HSP90AA1: variants seen among roughly 807,000 people sequenced by gnomAD.
The protein encoded by HSP90AA1 is heat shock protein HSP 90-alpha.
In HSP90AA1, 18 loss-of-function variants were observed where a neutral mutation model predicts 73.3. That is an observed-to-expected ratio of 0.25 (90% CI 0.17 to 0.36). The LOEUF is 0.36. Among genes scored for constraint, HSP90AA1 ranks in the 10% least tolerant of loss-of-function variants. The probability of loss-of-function intolerance (pLI) is 1.00; values close to 1 mark genes in which losing one functional copy is unlikely to be tolerated. For missense variants in HSP90AA1, 704 were observed against 874.2 expected (o/e 0.81, Z 2.45); for synonymous variants, 477 against 296.9 (o/e 1.61, Z -6.24).
chr14:102,093,554 G>A (rs2049386797), intron 2 of HSP90AA1, among the ~76,000 whole-genome samples: 1 of 151,690 alleles, frequency 6.6e-6, no homozygotes, highest in South Asian at 2.1e-4. Context: ...ATCAGTTAAA[G>A]CACGGGTCTG....
chr14:102,123,968 TC>T (rs2049810449), intron 1 of HSP90AA1, among the ~76,000 whole-genome samples: 1 of 152,034 alleles, frequency 6.6e-6, no homozygotes, highest in East Asian at 1.9e-4. Flanking sequence ...ACCTGGTTAA[TC>T]TTTAAATTTT....
chr14:102,105,224 A>C lies in HSP90AA1; in HGVS notation c.156-3139T>G, dbSNP rs1331443452. Among the ~76,000 whole-genome samples the C allele has an allele frequency of 2.8e-4, 42 of 149,532 alleles. 1 individual carries two copies. Among genetic ancestry groups the C allele is most frequent in the East Asian group, 1.6e-3 (8 of 5,112 alleles). The stretch of plus-strand genomic sequence containing the variant: ...TCTGTCTCAAAAAAAAAAAACAAAA[A>C]AAAAACCAAACTTCATTCAACAAAC... On this transcript the variant is annotated intron_variant, in intron 1 of 11. Coordinates refer to the HSP90AA1 transcript ENST00000334701.
At chr14:102,124,384 G>A (rs1277772344) in intron 1 of HSP90AA1, among the ~76,000 whole-genome samples, 1 of 151,530 alleles carries the variant, frequency 6.6e-6, no homozygotes, top group Non-Finnish European at 1.5e-5. Flanking sequence ...TAGAGGTGGG[G>A]GTTTCACCAT....
chr14:102,093,276 C>T (rs1275536790), intron 2 of HSP90AA1, among the ~76,000 whole-genome samples: 4 of 150,154 alleles, frequency 2.7e-5, no homozygotes, highest in Non-Finnish European at 5.9e-5. Flanking sequence ...TTTCGGAGGC[C>T]AAGGCGGGCG....
chr14:102,083,471 G>C, intron 8 of HSP90AA1, 75 bp downstream of exon 8: 2 of 1,473,220 alleles, frequency 1.4e-6, no homozygotes, highest in South Asian at 2.3e-5. Flanking sequence ...AGTGCTACCT[G>C]AGTAGAAAAC....
At chr14:102,085,153 C>T (rs774083642) in intron 4 of HSP90AA1, 145 bp downstream of exon 4, 6 of 1,463,300 alleles carry the variant, frequency 4.1e-6, no homozygotes, top group Non-Finnish European at 4.8e-6. Flanking sequence ...CTTAATAGCC[C>T]GAGGAACTTT....
intron 1 of HSP90AA1, chr14:102,139,196 CT>C: frequency 6.2e-7 from 1 of 1,604,204 alleles, no homozygotes; most frequent in South Asian, 1.1e-5. Context: ...TTCTCTCCCC[CT>C]ACCCCGCCTG....
chr14:102,104,939 C>G (rs985711760), intron 1 of HSP90AA1, among the ~76,000 whole-genome samples: 1 of 151,532 alleles, frequency 6.6e-6, no homozygotes, highest in Non-Finnish European at 1.5e-5. Context: ...TGGCTCACAC[C>G]TGTAATCCCA....
At chr14:102,098,150 G>GT (rs1437252000) in intron 2 of HSP90AA1, among the ~76,000 whole-genome samples, 2 of 151,800 alleles carry the variant, frequency 1.3e-5, no homozygotes, top group African/African-American at 4.8e-5. Flanking sequence ...CCTCGGGTTT[G>GT]TTTTTCTTTT....
upstream of HSP90AA1, chr14:102,087,150 C>G: frequency 1.0e-6 from 1 of 983,918 alleles, no homozygotes; most frequent in Non-Finnish European, 1.2e-6. Context: ...CCCCAGCCGC[C>G]GCCGCGGCCG....
intron 2 of HSP90AA1, among the ~76,000 whole-genome samples, chr14:102,101,359 A>T (rs2049490996): frequency 6.6e-6 from 1 of 152,148 alleles, no homozygotes; most frequent in South Asian, 2.1e-4. Flanking sequence ...TTTTGGGTCA[A>T]GCCCAAACTC....
intron 4 of HSP90AA1, 101 bp downstream of exon 4, chr14:102,085,197 G>C (rs529485322): frequency 2.1e-6 from 3 of 1,438,816 alleles, no homozygotes; most frequent in Non-Finnish European, 2.9e-6. Flanking sequence ...AGGTTCCCCA[G>C]GCTTCAGACT....
chr14:102,085,239 T>C (rs1408984826), intron 4 of HSP90AA1, 59 bp downstream of exon 4: 2 of 1,556,110 alleles, frequency 1.3e-6, no homozygotes, highest in African/African-American at 2.7e-5. Flanking sequence ...AAGGATGTAG[T>C]ACAGTCACCC....
At chr14:102,124,255 G>C (rs141274885) in intron 1 of HSP90AA1, among the ~76,000 whole-genome samples, 5 of 134,676 alleles carry the variant, frequency 3.7e-5, no homozygotes, top group South Asian at 2.4e-4. Flanking sequence ...ACAATGGCAC[G>C]ATCTGGGCTC....
intron 2 of HSP90AA1, among the ~76,000 whole-genome samples, chr14:102,093,237 G>C (rs918554554): frequency 3.3e-5 from 5 of 149,920 alleles, no homozygotes; most frequent in Non-Finnish European, 7.4e-5. Context: ...AAGGCCGGGT[G>C]CAGTGGCTCA....
At chr14:102,122,367 A>G (rs1595677723) in intron 1 of HSP90AA1, among the ~76,000 whole-genome samples, 1 of 142,510 alleles carries the variant, frequency 7.0e-6, no homozygotes, top group Non-Finnish European at 1.5e-5. Context: ...TGCAAGCTCC[A>G]CCTCCCAGGT....
intron 8 of HSP90AA1, 43 bp from the exon 9 acceptor site, chr14:102,083,345 G>A (rs1218597446): frequency 1.9e-6 from 3 of 1,606,734 alleles, no homozygotes; most frequent in South Asian, 1.1e-5. Flanking sequence ...TAACAGTTAA[G>A]AATGGTTTCA....
Position 102,081,760 on chromosome 14 carries a change from T to C in HSP90AA1, c.2151A>G (p.Pro717=). 1.3e-6 allele frequency: 2 copies of C among 1,598,526 alleles called. No individual in the cohort carries two copies. The highest frequency in any genetic ancestry group is 1.7e-6 in the Non-Finnish European group (2 of 1,165,848). Reference sequence around the variant, plus strand: ...ATGTGTCGTCATCTCCTTCAAGGGGTGGCATTTCTTCAGTTACAGCAGCAC... The same window carrying C: ...ATGTGTCGTCATCTCCTTCAAGGGGCGGCATTTCTTCAGTTACAGCAGCAC... ...DTSAAVTEEM[P]PLEGDDDTSR... Residue 717 remains proline, a synonymous_variant, in exon 11 of 11, where the codon CCA becomes CCG. Transcript: ENST00000216281.
chr14:102,085,136 A>C, intron 4 of HSP90AA1, 138 bp from the exon 5 acceptor site: 1 of 1,491,826 alleles, frequency 6.7e-7, no homozygotes, highest in Non-Finnish European at 9.3e-7. Flanking sequence ...AATATTTGAT[A>C]CATCCACTTA....
Sources: allele counts gnomAD v4.1 joint callset (sites outside exome capture counted in the v4.1 genomes callset), GRCh38; gene constraint gnomAD v4.1.1; transcripts MANE v1.5; gene names NCBI Gene and HGNC (gene_info 2026-07-23, HGNC 2026-07-21).